Variants in ROBO1 observed in about 807,000 individuals in gnomAD.
ROBO1 encodes roundabout guidance receptor 1, also known as roundabout homolog 1.
Under a neutral mutation model 195.9 loss-of-function variants are expected in ROBO1, and 149 were observed. The observed-to-expected ratio is 0.76, with a 90% CI of 0.67 to 0.87. The LOEUF is 0.87. ROBO1 is among the 40% of genes least tolerant of loss of function. The pLI, the probability that ROBO1 is intolerant of heterozygous loss-of-function variation, is 0.00. For synonymous variants in ROBO1, 816 were observed against 733.2 expected (o/e 1.11, Z -1.82); for missense variants, 1,933 against 2,068.3 (o/e 0.93, Z 1.27).
intron 2 of ROBO1, among the ~76,000 whole-genome samples, chr3:79,247,890 G>A (rs2082653232): frequency 2.0e-5 from 3 of 152,100 alleles, no homozygotes; most frequent in Admixed American, 2.0e-4. Flanking sequence ...TCCTGGCAGT[G>A]GAGCCTGGGA....
intron 4 of ROBO1, among the ~76,000 whole-genome samples, chr3:78,918,611 TGTTA>T (rs1242068114): frequency 6.6e-6 from 1 of 152,188 alleles, no homozygotes; most frequent in African/African-American, 2.4e-5. Context: ...CTAGGTAGTC[TGTTA>T]GAGGACAGCC....
intron 14 of ROBO1, among the ~76,000 whole-genome samples, chr3:78,666,585 T>A (rs531438894): frequency 1.5e-4 from 23 of 152,300 alleles, no homozygotes; most frequent in African/African-American, 5.5e-4. Flanking sequence ...TCAGACTGCC[T>A]TAAGGCAGGC....
chr3:78,915,803 G>C (rs1317669021), intron 4 of ROBO1, among the ~76,000 whole-genome samples: 1 of 152,022 alleles, frequency 6.6e-6, no homozygotes, highest in Non-Finnish European at 1.5e-5. Flanking sequence ...GACTAGGTGT[G>C]CGTCATCATG....
chr3:78,714,411 G>A lies in ROBO1; in HGVS notation c.1031C>T (p.Thr344Ile). ...CCAATGCCTACCTTGAACAGTCAGA[G>A]TAGCAGATGCTTCAGCTTTGCCCAC... ...NMVGKAEASA[T>I]LTVQEPPHFV... Residue 344 changes from threonine (T) to isoleucine (I), a missense_variant, in exon 8 of 31, where the codon ACT becomes ATT. Physicochemically the swap from Thr to Ile is moderately conservative, Grantham distance 89. Around this residue, in one of 3 missense-constraint regions of ROBO1, gnomAD observed 1,737 missense variants for 1,882.5 expected, o/e 0.92. Coordinates refer to ENST00000464233, the MANE Select transcript of ROBO1 (RefSeq NM_002941.4). The A allele has an allele frequency of 1.2e-6, 2 of 1,613,020 alleles. No individual in the cohort carries two copies. Among genetic ancestry groups the A allele is most frequent in the South Asian group, 1.1e-5 (1 of 90,882 alleles).
intron 2 of ROBO1, among the ~76,000 whole-genome samples, chr3:79,436,222 A>G (rs1210285470): frequency 6.6e-6 from 1 of 152,204 alleles, no homozygotes; most frequent in East Asian, 1.9e-4. Context: ...ATGAAACTTA[A>G]CAAATTGCAT....
chr3:78,940,326 T>C (rs542062854), intron 3 of ROBO1, among the ~76,000 whole-genome samples: 1 of 152,352 alleles, frequency 6.6e-6, no homozygotes, highest in East Asian at 1.9e-4. Context: ...ATAGTTTCAC[T>C]TCAGTGTAGC....
chr3:79,618,157 T>C (rs1944886540), intron 1 of ROBO1, among the ~76,000 whole-genome samples: 1 of 152,032 alleles, frequency 6.6e-6, no homozygotes, highest in Non-Finnish European at 1.5e-5. Flanking sequence ...ATGAGATATA[T>C]GCATTTGTGA....
At chr3:78,926,016 G>A (rs1299879751) in intron 4 of ROBO1, among the ~76,000 whole-genome samples, 2 of 151,986 alleles carry the variant, frequency 1.3e-5, no homozygotes, top group Non-Finnish European at 2.9e-5. Context: ...CACTCCAGAT[G>A]CCCACCCCCA....
chr3:79,082,539 T>C (rs1370862004), intron 3 of ROBO1, among the ~76,000 whole-genome samples: 1 of 151,510 alleles, frequency 6.6e-6, no homozygotes, highest in East Asian at 1.9e-4. Flanking sequence ...TTTACAAGAG[T>C]GTGGATTAAT....
chr3:78,909,039 A>T (rs571498723), intron 4 of ROBO1, among the ~76,000 whole-genome samples: 3 of 151,896 alleles, frequency 2.0e-5, no homozygotes, highest in Non-Finnish European at 4.4e-5. Context: ...AAGGATTTAA[A>T]TTACAGGCAT....
At chr3:79,457,099 G>T (rs1361853598) in intron 2 of ROBO1, among the ~76,000 whole-genome samples, 2 of 152,118 alleles carry the variant, frequency 1.3e-5, no homozygotes, top group African/African-American at 2.4e-5. Flanking sequence ...AACGAATGAT[G>T]AATTTTACTT....
intron 2 of ROBO1, among the ~76,000 whole-genome samples, chr3:79,314,700 G>A (rs60958263): frequency 3.1e-4 from 47 of 152,134 alleles, no homozygotes; most frequent in Non-Finnish European, 6.0e-4. Context: ...TGTTCTCTTC[G>A]ACAGCATACA....
chr3:79,474,622 C>T (rs971114386), intron 2 of ROBO1, among the ~76,000 whole-genome samples: 1 of 151,952 alleles, frequency 6.6e-6, no homozygotes, highest in African/African-American at 2.4e-5. Flanking sequence ...TTTTAAAAAA[C>T]ATTTTGTTTA....
chr3:79,482,791 T>C (rs1186751421), intron 2 of ROBO1, among the ~76,000 whole-genome samples: 2 of 152,230 alleles, frequency 1.3e-5, no homozygotes, highest in African/African-American at 4.8e-5. Context: ...GAATTGGATT[T>C]GACCTTGAAA....
chr3:79,672,065 GAATT>G (rs1946648882), intron 1 of ROBO1, among the ~76,000 whole-genome samples: 1 of 151,872 alleles, frequency 6.6e-6, no homozygotes, highest in Non-Finnish European at 1.5e-5. Flanking sequence ...GTTACTTCAA[GAATT>G]AATTAGACAT....
At chr3:79,631,940 A>C (rs550149197) in intron 1 of ROBO1, among the ~76,000 whole-genome samples, 1 of 152,246 alleles carries the variant, frequency 6.6e-6, no homozygotes, top group East Asian at 1.9e-4. Flanking sequence ...ATCTCACACT[A>C]GTCACAATGG....
Position 78,938,777 on chromosome 3 carries a change from ACT to A in ROBO1, c.321_322del (p.Arg107SerfsTer7). ...GCGAGGGTCATCTTTGTCTGTCTCC[ACT>A]CTCTCTCCCCCTTTGTACCATTCAA... On this transcript the variant is annotated frameshift_variant, in exon 4 of 31. Transcript: ENST00000464233. LOFTEE classifies it high-confidence loss of function. 6.2e-7 allele frequency: 1 copy of A among 1,613,020 alleles called. No individual in the cohort carries two copies. Among genetic ancestry groups the A allele is most frequent in the Non-Finnish European group, 8.5e-7 (1 of 1,179,678 alleles).
chr3:79,607,095 G>GCACACACACACACACACA (rs35692271), intron 1 of ROBO1, among the ~76,000 whole-genome samples: 17 of 140,042 alleles, frequency 1.2e-4, no homozygotes, highest in South Asian at 7.2e-4. Flanking sequence ...ATTAAAACCT[G>GCACACACACACACACACA]CACACACACA....
At chr3:78,646,029 A>G in intron 21 of ROBO1, 119 bp downstream of exon 21, 1 of 854,668 alleles carries the variant, frequency 1.2e-6, no homozygotes, top group Non-Finnish European at 1.9e-6. Context: ...TTCGTCAAGG[A>G]ACTAAATAAA....
Sources: gnomAD v4.1 joint callset for allele counts (sites outside exome capture counted in the v4.1 genomes callset) on GRCh38, gnomAD v4.1.1 for gene constraint, gnomAD v4.1.1 regional missense constraint, MANE v1.5 for transcripts, NCBI Gene and HGNC (gene_info 2026-07-23, HGNC 2026-07-21) for gene names.